The following ITIH5 variants were observed in gnomAD, a reference collection of about 807,000 sequenced individuals.
The protein encoded by ITIH5 is inter-alpha-trypsin inhibitor heavy chain 5, also known as inter-alpha-trypsin inhibitor heavy chain H5.
ITIH5 carries 65 observed loss-of-function variants against 77.5 expected under a neutral mutation model. The observed-to-expected ratio is 0.84, with a 90% confidence interval of 0.69 to 1.03. ITIH5 has a LOEUF of 1.03. ITIH5 is among the 50% of genes least tolerant of loss of function. The probability of loss-of-function intolerance (pLI) is 0.00; values close to 1 mark genes in which losing one functional copy is unlikely to be tolerated. For missense variants in ITIH5, 1,208 were observed against 1,213.1 expected (o/e 1.00, Z 0.06); for synonymous variants, 525 against 494.3 (o/e 1.06, Z -0.82).
chr10:7,584,613 T>C (rs1206919426), intron 8 of ITIH5, among the ~76,000 whole-genome samples: 1 of 152,138 alleles, frequency 6.6e-6, no homozygotes, highest in Non-Finnish European at 1.5e-5. Context: ...CCCAGCCATT[T>C]TCTAAAGCTG....
At chr10:7,592,287 C>T (rs976098108) in intron 7 of ITIH5, among the ~76,000 whole-genome samples, 1 of 152,176 alleles carries the variant, frequency 6.6e-6, no homozygotes, top group Non-Finnish European at 1.5e-5. Flanking sequence ...ATAAATGATC[C>T]ACCTGTCACA....
At chr10:7,644,769 T>C (rs1396884294) in intron 2 of ITIH5, among the ~76,000 whole-genome samples, 1 of 140,396 alleles carries the variant, frequency 7.1e-6, no homozygotes, top group Non-Finnish European at 1.5e-5. Context: ...CACATATATA[T>C]CATATATATC....
intron 7 of ITIH5, chr10:7,609,285 A>C (rs1275784086): frequency 3.5e-5 from 13 of 372,250 alleles, no homozygotes; most frequent in Non-Finnish European, 6.3e-5. Context: ...AAAATGCAGG[A>C]TACATTTATT....
At chr10:7,614,472 T>G (rs75185278) in intron 7 of ITIH5, among the ~76,000 whole-genome samples, 4,302 of 152,306 alleles carry the variant, frequency 0.028, 94 homozygotes, top group Non-Finnish European at 0.045. Context: ...TCGTGAGATT[T>G]TTTTGCGTGA....
At chr10:7,575,495 G>A (rs1465496444) in intron 10 of ITIH5, among the ~76,000 whole-genome samples, 1 of 152,198 alleles carries the variant, frequency 6.6e-6, no homozygotes. Context: ...CAGTAAAAAT[G>A]TGATGCATGT....
rs1328284308 is a variant in ITIH5, at chr10:7,568,749, C to T, written c.2149+919G>A. Among the ~76,000 whole-genome samples the T allele has an allele frequency of 4.5e-4, 69 of 152,168 alleles. 1 individual carries two copies. Among genetic ancestry groups the T allele is most frequent in the Admixed American group, 4.5e-3 (68 of 15,276 alleles). On this transcript the variant is annotated intron_variant, in intron 12 of 13. Transcript: ENST00000397146. Reference sequence around the variant, plus strand: ...GACATGGTTTGTTACCTGCATCGAACTTGAAAAGCTTTCTCTGTGCTAATC... The same window carrying T: ...GACATGGTTTGTTACCTGCATCGAATTTGAAAAGCTTTCTCTGTGCTAATC...
intron 5 of ITIH5, among the ~76,000 whole-genome samples, chr10:7,631,718 T>C (rs1372682146): frequency 6.6e-6 from 1 of 151,822 alleles, no homozygotes; most frequent in African/African-American, 2.4e-5. Flanking sequence ...AGGAACAAAA[T>C]ACATTTTAAC....
rs531243649 is a variant in ITIH5 at position 7,576,387 on chromosome 10, G to A, written c.1978+66C>T. 3.3e-5 allele frequency: 44 copies of A among 1,335,396 alleles called. No homozygotes were observed. The South Asian group carries it at 6.6e-4, about 20-fold the overall frequency. 82.7% of individuals were successfully genotyped at this position (1,335,396 alleles called of 1,614,324 possible). On this transcript the variant is annotated intron_variant, in intron 10 of 13. Transcript: ENST00000397146. The stretch of plus-strand genomic sequence containing the variant: ...ACACAGCTTCCTGCTGGGGCTTCCT[G>A]TGGAGGAGGTGAGTGGTATCTCAGG...
At chr10:7,613,808 T>C (rs1331882343) in intron 7 of ITIH5, among the ~76,000 whole-genome samples, 5 of 151,462 alleles carry the variant, frequency 3.3e-5, no homozygotes, top group Admixed American at 3.3e-4. Context: ...TTAGGGGTGC[T>C]CTGGCAAATC....
Position 7,655,611 on chromosome 10 carries a change from T to C in ITIH5, c.135+20A>G, listed in dbSNP as rs768940308. The C allele has an allele frequency of 5.0e-6, 8 of 1,597,408 alleles. No individual in the cohort carries two copies. The highest frequency in any genetic ancestry group is 2.2e-5 in the South Asian group (2 of 90,586). On this transcript the variant is annotated intron_variant, in intron 2 of 13. Transcript: ENST00000397146. ...AGAATGAGGGAATGGACTTTCAAGATGCACCATGAATATACCTACCAGCCT... is the reference window on the plus strand; with the variant it reads ...AGAATGAGGGAATGGACTTTCAAGACGCACCATGAATATACCTACCAGCCT...
chr10:7,606,624 T>C (rs866196369), intron 7 of ITIH5, among the ~76,000 whole-genome samples: 1 of 152,160 alleles, frequency 6.6e-6, no homozygotes, highest in African/African-American at 2.4e-5. Flanking sequence ...AAACTACTTC[T>C]CAGGTACTGT....
chr10:7,607,294 C>G (rs1378634114), intron 7 of ITIH5, among the ~76,000 whole-genome samples: 4 of 152,196 alleles, frequency 2.6e-5, no homozygotes, highest in African/African-American at 7.2e-5. Flanking sequence ...TGTGGCTGTG[C>G]TCTTGTCACA....
At chr10:7,644,484 CAT>C (rs1362539287) in intron 2 of ITIH5, among the ~76,000 whole-genome samples, 3 of 138,266 alleles carry the variant, frequency 2.2e-5, no homozygotes, top group Non-Finnish European at 3.0e-5. Context: ...TATATAATCA[CAT>C]ATATATCATA....
At chr10:7,599,710 A>T (rs377293482) in intron 7 of ITIH5, among the ~76,000 whole-genome samples, 2 of 152,234 alleles carry the variant, frequency 1.3e-5, no homozygotes, top group African/African-American at 4.8e-5. Context: ...ACACAAAGAT[A>T]TGGACAGGCT....
At chr10:7,600,603 T>C (rs754112177) in intron 7 of ITIH5, 2 of 456,674 alleles carry the variant, frequency 4.4e-6, no homozygotes, top group South Asian at 3.1e-5. Context: ...ATTATCTGAC[T>C]TTACATTTGG....
chr10:7,643,157 G>C (rs898279125), intron 2 of ITIH5, among the ~76,000 whole-genome samples: 1 of 152,166 alleles, frequency 6.6e-6, no homozygotes, highest in African/African-American at 2.4e-5. Context: ...GGCACACATT[G>C]AGAAGGCAGC....
chr10:7,566,980 G>C (rs1221114938), intron 12 of ITIH5, among the ~76,000 whole-genome samples: 2 of 151,472 alleles, frequency 1.3e-5, no homozygotes, highest in Non-Finnish European at 2.9e-5. Flanking sequence ...CTCCTCCTTT[G>C]GGCTTATCTT....
Position 7,576,821 on chromosome 10 carries a change from T to G in ITIH5, c.1610A>C (p.Lys537Thr), listed in dbSNP as rs758968135. 5 of 1,614,078 alleles carry G rather than the reference T, an allele frequency of 3.1e-6. No individual in the cohort carries two copies. The highest frequency in any genetic ancestry group is 3.4e-6 in the Non-Finnish European group (4 of 1,180,038). Residue 537 changes from lysine to threonine, a missense_variant, in exon 10 of 14, where the codon AAA (lysine) becomes ACA (threonine). By Grantham distance (78) the Lys-to-Thr change is moderately conservative. Transcript: ENST00000397146. Reference protein sequence around the residue: ...HVEVTASNSKKFIILKTDVPV... With the variant: ...HVEVTASNSKTFIILKTDVPV... ...CACATCTGTCTTCAGGATGATGAAT[T>G]TCTTACTGTTGCTGGCGGTGACCTC...
intron 7 of ITIH5, among the ~76,000 whole-genome samples, chr10:7,596,490 G>T (rs1471766141): frequency 6.6e-6 from 1 of 152,070 alleles, no homozygotes; most frequent in Non-Finnish European, 1.5e-5. Flanking sequence ...GACACAAAAG[G>T]CTCTTGTGCC....
Sources: allele counts gnomAD v4.1 joint callset (sites outside exome capture counted in the v4.1 genomes callset), GRCh38; gene constraint gnomAD v4.1.1; transcripts MANE v1.5; gene names NCBI Gene and HGNC (gene_info 2026-07-23, HGNC 2026-07-21).